Variants in ADIPOQ observed in about 807,000 individuals in gnomAD.
The protein encoded by ADIPOQ is adiponectin.
Under a neutral mutation model 16.1 loss-of-function variants are expected in ADIPOQ, and 19 were observed. That is an observed-to-expected ratio of 1.18 (90% confidence interval 0.82 to 1.73). The LOEUF is 1.73. ADIPOQ is among the 40% of genes most tolerant of loss of function. The pLI, the probability that ADIPOQ is intolerant of heterozygous loss-of-function variation, is 0.00. For synonymous variants in ADIPOQ, 124 were observed against 125.5 expected (o/e 0.99, Z 0.08); for missense variants, 323 against 308.3 (o/e 1.05, Z -0.36).
chr3:186,857,816 T>C lies in ADIPOQ; in HGVS notation c.*3112T>C, dbSNP rs1160947601. 2.0e-5 allele frequency: 3 copies of C among 152,220 alleles called. No homozygotes were observed. The highest frequency in any genetic ancestry group is 2.9e-5 in the Non-Finnish European group (2 of 68,030). 9.4% of individuals were successfully genotyped at this position (152,220 alleles called of 1,614,324 possible). On this transcript the variant is annotated 3_prime_UTR_variant, in exon 3 of 3. Transcript: ENST00000320741. ...CATTTACTCTCTTATCATTATGTAA[T>C]GTCCTTCTTTATCTGTGATAATTTT...
Position 186,854,926 on chromosome 3 carries a change from T to A in ADIPOQ, c.*222T>A. On this transcript the variant is annotated 3_prime_UTR_variant, in exon 3 of 3. Coordinates refer to ENST00000320741, the MANE Select transcript of ADIPOQ (RefSeq NM_004797.4). ...TCACAAACATGACCAGATAACTGAC[T>A]AGAAAGAAGTAGTTGACAGTGCTAT... 1 of 628,704 alleles carries A rather than the reference T, an allele frequency of 1.6e-6. No homozygotes were observed. The highest frequency in any genetic ancestry group is 2.7e-6 in the Non-Finnish European group (1 of 371,262). The allele number at this position is 628,704 out of a possible 1,614,324, so 38.9% of individuals were successfully genotyped here. A position where few individuals can be genotyped will look rare whatever the true frequency, so the allele number is the denominator to read the frequency against.
chr3:186,851,783 G>A (rs1189871040), intron 1 of ADIPOQ: 1 of 152,210 alleles, frequency 6.6e-6, no homozygotes, highest in African/African-American at 2.4e-5. Flanking sequence ...ATGGAGAAAT[G>A]GGTGAGCAAA....
In ADIPOQ at chr3:186,858,332, C is replaced by G. The variant is rs1005081607; in HGVS notation, c.*3628C>G. ...TTCCATCATGTTACTTTAAATATATCTATATTATTGTATTTAAAATGTGTT... is the reference window on the plus strand; with the variant it reads ...TTCCATCATGTTACTTTAAATATATGTATATTATTGTATTTAAAATGTGTT... On this transcript the variant is annotated 3_prime_UTR_variant, in exon 3 of 3. Coordinates refer to ENST00000320741, the MANE Select transcript of ADIPOQ (RefSeq NM_004797.4). 2.6e-5 allele frequency: 4 copies of G among 151,762 alleles called. No individual in the cohort carries two copies. Among genetic ancestry groups the G allele is most frequent in the African/African-American group, 9.7e-5 (4 of 41,370 alleles). The allele number at this position is 151,762 out of a possible 1,614,324, so 9.4% of individuals were successfully genotyped here. A position where few individuals can be genotyped will look rare whatever the true frequency, so the allele number is the denominator to read the frequency against.
intron 1 of ADIPOQ, among the ~76,000 whole-genome samples, chr3:186,844,682 T>G (rs961770438): frequency 4.6e-5 from 7 of 152,100 alleles, no homozygotes; most frequent in African/African-American, 1.4e-4. Context: ...TAGCTGGGAC[T>G]ACAGGTGTGT....
intron 1 of ADIPOQ, among the ~76,000 whole-genome samples, chr3:186,845,258 G>T (rs985896786): frequency 6.6e-6 from 1 of 152,204 alleles, no homozygotes; most frequent in South Asian, 2.1e-4. Flanking sequence ...GAAGGCTTTC[G>T]GGCAAAGCTC....
In ADIPOQ at chr3:186,856,989, C is replaced by T. The variant is rs1252252649; in HGVS notation, c.*2285C>T. On this transcript the variant is annotated 3_prime_UTR_variant, in exon 3 of 3. Coordinates refer to ENST00000320741, the MANE Select transcript of ADIPOQ (RefSeq NM_004797.4). ...TCTGTATGTCCTTCTGTTCTGCCTT[C>T]CGCAGTGTAGGCTTTACCCTCAGGT... 6.6e-6 allele frequency: 1 copy of T among 152,244 alleles called. No individual in the cohort carries two copies. The highest frequency in any genetic ancestry group is 1.5e-5 in the Non-Finnish European group (1 of 68,050). The allele number at this position is 152,244 out of a possible 1,614,324, so 9.4% of individuals were successfully genotyped here.
chr3:186,850,006 T>C (rs1437789468), intron 1 of ADIPOQ, among the ~76,000 whole-genome samples: 2 of 152,206 alleles, frequency 1.3e-5, no homozygotes, highest in South Asian at 2.1e-4. Flanking sequence ...TGGTGGCTCA[T>C]GCTTTTAATC....
At chr3:186,853,637 C>T (rs1368889575) in intron 2 of ADIPOQ, 8 of 301,000 alleles carry the variant, frequency 2.7e-5, no homozygotes, top group Non-Finnish European at 5.0e-5. Context: ...TCAGTCCTGC[C>T]TTTGGGGAAC....
At chr3:186,853,571 A>G (rs1278207047) in intron 2 of ADIPOQ, among the ~76,000 whole-genome samples, 3 of 152,108 alleles carry the variant, frequency 2.0e-5, no homozygotes, top group Non-Finnish European at 4.4e-5. Context: ...TGTCTGCTTA[A>G]CTTCCATTTC....
intron 1 of ADIPOQ, among the ~76,000 whole-genome samples, chr3:186,849,164 G>A (rs890520403): frequency 2.6e-5 from 4 of 152,264 alleles, no homozygotes; most frequent in East Asian, 3.9e-4. Flanking sequence ...TAAGCCCCCC[G>A]TCACCCTTTA....
At chr3:186,850,512 C>T (rs1360471226) in intron 1 of ADIPOQ, among the ~76,000 whole-genome samples, 1 of 152,060 alleles carries the variant, frequency 6.6e-6, no homozygotes, top group Non-Finnish European at 1.5e-5. Flanking sequence ...CAGTAATTTA[C>T]TTCTGGGAAT....
At chr3:186,853,477 G>C (rs896378500) in intron 2 of ADIPOQ, among the ~76,000 whole-genome samples, 3 of 152,224 alleles carry the variant, frequency 2.0e-5, no homozygotes, top group African/African-American at 7.2e-5. Flanking sequence ...TGGCTTTGCT[G>C]CATCTGCAGC....
At chr3:186,852,893 G>A (rs956518635) in intron 1 of ADIPOQ, 158 bp from the exon 2 acceptor site, 5 of 688,676 alleles carry the variant, frequency 7.3e-6, no homozygotes, top group African/African-American at 5.4e-5. Context: ...AAGGTGGGCT[G>A]CAATATTCAG....
intron 1 of ADIPOQ, among the ~76,000 whole-genome samples, chr3:186,845,268 C>T (rs2108487730): frequency 6.6e-6 from 1 of 152,172 alleles, no homozygotes; most frequent in Non-Finnish European, 1.5e-5. Flanking sequence ...GGGCAAAGCT[C>T]CTGGGAGCTA....
Position 186,855,307 on chromosome 3 carries a change from T to C in ADIPOQ, c.*603T>C. ...CGTCCTGTCTTGGAAGGACTACTAC[T>C]CAATGGCCCCTGCACTACTCTACTT... is the stretch of plus-strand genomic sequence containing the variant. On this transcript the variant is annotated 3_prime_UTR_variant, in exon 3 of 3. Coordinates refer to ENST00000320741, the MANE Select transcript of ADIPOQ (RefSeq NM_004797.4). 1 of 163,516 alleles carries C rather than the reference T, an allele frequency of 6.1e-6. No individual in the cohort carries two copies. The highest frequency in any genetic ancestry group is 1.8e-4 in the East Asian group (1 of 5,542). 10.1% of individuals were successfully genotyped at this position (163,516 alleles called of 1,614,324 possible).
At chr3:186,852,879 G>A in intron 1 of ADIPOQ, 172 bp from the exon 2 acceptor site, 1 of 647,830 alleles carries the variant, frequency 1.5e-6, no homozygotes. Context: ...GGCAGAAAGA[G>A]ATCAAGGTGG....
In ADIPOQ at chr3:186,845,797, A is replaced by G. The variant is rs148508871; in HGVS notation, c.-9+3048A>G. On this transcript the variant is annotated intron_variant, in intron 1 of 2. Coordinates refer to ENST00000320741, the MANE Select transcript of ADIPOQ (RefSeq NM_004797.4). Reference sequence around the variant, plus strand: ...GAGTCAAAAGCAGGGCTATGGGAAGATTAAGTAAAATAAATTTTGAAAATG... The same window carrying G: ...GAGTCAAAAGCAGGGCTATGGGAAGGTTAAGTAAAATAAATTTTGAAAATG... 6.0e-4 allele frequency among the ~76,000 whole-genome samples: 91 copies of G among 152,332 alleles called. 1 individual carries two copies. In the East Asian group the frequency reaches 0.016, roughly 26 times the overall value.
At chr3:186,845,177 G>GGTGTGTGTATGGGTGCGGGT (rs1444285467) in intron 1 of ADIPOQ, among the ~76,000 whole-genome samples, 2 of 151,726 alleles carry the variant, frequency 1.3e-5, no homozygotes, top group African/African-American at 4.8e-5. Context: ...CATAGGTGGA[G>GGTGTGTGTATGGGTGCGGGT]GTGTGTGTAT....
intron 1 of ADIPOQ, among the ~76,000 whole-genome samples, chr3:186,849,731 T>C: frequency 6.6e-6 from 1 of 152,202 alleles, no homozygotes; most frequent in Non-Finnish European, 1.5e-5. Context: ...TATTAGAACC[T>C]GATATTTGAT....
Sources: allele counts gnomAD v4.1 joint callset (sites outside exome capture counted in the v4.1 genomes callset), GRCh38; gene constraint gnomAD v4.1.1; transcripts MANE v1.5; gene names NCBI Gene and HGNC (gene_info 2026-07-23, HGNC 2026-07-21).